FHIT: variants seen among roughly 807,000 people sequenced by gnomAD.
FHIT encodes the protein fragile histidine triad diadenosine triphosphatase, also known as bis(5'-adenosyl)-triphosphatase.
A neutral mutation model predicts 17.9 loss-of-function variants in FHIT; 19 were observed. That is an observed-to-expected ratio of 1.06 (90% CI 0.74 to 1.56). FHIT has a LOEUF of 1.56. Among genes scored for constraint, FHIT ranks in the 40% most tolerant of loss-of-function variants. FHIT has a pLI of 0.00. For missense variants in FHIT, 248 were observed against 189.2 expected (o/e 1.31, Z -1.82); for synonymous variants, 81 against 69.7 (o/e 1.16, Z -0.81).
At chr3:60,452,965 T>A (rs1045648356) in intron 5 of FHIT, among the ~76,000 whole-genome samples, 1 of 152,204 alleles carries the variant, frequency 6.6e-6, no homozygotes, top group South Asian at 2.1e-4. Flanking sequence ...ATTTCTGTAG[T>A]GTACACGAAT....
At chr3:60,751,867 A>G (rs1409641002) in intron 4 of FHIT, among the ~76,000 whole-genome samples, 1 of 152,200 alleles carries the variant, frequency 6.6e-6, no homozygotes, top group African/African-American at 2.4e-5. Context: ...GAAACAATCT[A>G]AATGCCCATC....
intron 3 of FHIT, among the ~76,000 whole-genome samples, chr3:60,928,748 A>T (rs1391301369): frequency 6.6e-6 from 1 of 152,206 alleles, no homozygotes; most frequent in Non-Finnish European, 1.5e-5. Context: ...AAAAAAATCC[A>T]GGACCAGATG....
At chr3:60,273,494 C>A (rs375281042) in intron 5 of FHIT, among the ~76,000 whole-genome samples, 1 of 152,030 alleles carries the variant, frequency 6.6e-6, no homozygotes, top group Non-Finnish European at 1.5e-5. Context: ...CCTGTCCTCC[C>A]AGCTACTCAG....
intron 4 of FHIT, among the ~76,000 whole-genome samples, chr3:60,557,947 A>G (rs1192213135): frequency 6.6e-6 from 1 of 152,124 alleles, no homozygotes; most frequent in African/African-American, 2.4e-5. Flanking sequence ...TTTCATTGCA[A>G]AAATGAGGAA....
At position 61,210,246 on chromosome 3, in the gene FHIT, G is replaced by A. The variant is rs575337809; in HGVS notation, c.-212-9581C>T. Among the ~76,000 whole-genome samples the A allele has an allele frequency of 3.4e-3, 509 of 151,342 alleles. 3 individuals carry two copies. Among genetic ancestry groups the A allele is most frequent in the African/African-American group, 0.012 (485 of 41,372 alleles). ...GGGGTACCTCCCAGTTAGGCTACTCGGGGGTCAGGGACCCACTTGAGGAGG... is the reference window on the plus strand; with the variant it reads ...GGGGTACCTCCCAGTTAGGCTACTCAGGGGTCAGGGACCCACTTGAGGAGG... On this transcript the variant is annotated intron_variant, in intron 1 of 9. Transcript: ENST00000492590.
intron 2 of FHIT, among the ~76,000 whole-genome samples, chr3:61,118,192 G>A (rs780467603): frequency 5.3e-5 from 8 of 152,158 alleles, no homozygotes; most frequent in Non-Finnish European, 8.8e-5. Flanking sequence ...CTGAAGGCCC[G>A]TGATAAGGCT....
chr3:60,239,094 T>C (rs531052447), intron 5 of FHIT, among the ~76,000 whole-genome samples: 1 of 152,284 alleles, frequency 6.6e-6, no homozygotes, highest in Admixed American at 6.5e-5. Flanking sequence ...GAGCAAAAGG[T>C]CAAATTAACT....
chr3:60,082,949 G>A (rs1185343418), intron 5 of FHIT, among the ~76,000 whole-genome samples: 1 of 152,034 alleles, frequency 6.6e-6, no homozygotes, highest in African/African-American at 2.4e-5. Flanking sequence ...AGTTTCTTTT[G>A]CTGTGCTCAA....
intron 8 of FHIT, among the ~76,000 whole-genome samples, chr3:59,780,672 G>T (rs1702543848): frequency 6.6e-6 from 1 of 152,184 alleles, no homozygotes; most frequent in South Asian, 2.1e-4. Flanking sequence ...CCCTTATAAG[G>T]ACATGAAGGA....
At chr3:60,299,603 T>C (rs1231424890) in intron 5 of FHIT, among the ~76,000 whole-genome samples, 7 of 152,076 alleles carry the variant, frequency 4.6e-5, no homozygotes, top group African/African-American at 1.4e-4. Context: ...TAATTGTCTA[T>C]AATGCCTCTT....
chr3:59,997,851 G>A (rs1699577354), intron 7 of FHIT, among the ~76,000 whole-genome samples: 1 of 151,952 alleles, frequency 6.6e-6, no homozygotes, highest in South Asian at 2.1e-4. Flanking sequence ...GAGACAGTGG[G>A]GTGATAAATA....
chr3:60,906,298 G>T (rs1359968791), intron 3 of FHIT, among the ~76,000 whole-genome samples: 2 of 152,172 alleles, frequency 1.3e-5, no homozygotes, highest in Non-Finnish European at 2.9e-5. Context: ...TCTCACTGTG[G>T]AATAAAGGAG....
At chr3:60,631,882 G>C (rs975717422) in intron 4 of FHIT, among the ~76,000 whole-genome samples, 1 of 152,042 alleles carries the variant, frequency 6.6e-6, no homozygotes, top group African/African-American at 2.4e-5. Context: ...CTTCTGAGAT[G>C]AAACATGAAA....
intron 4 of FHIT, among the ~76,000 whole-genome samples, chr3:60,720,191 C>A (rs782616333): frequency 6.6e-6 from 1 of 152,092 alleles, no homozygotes; most frequent in African/African-American, 2.4e-5. Context: ...CTTCCCGATA[C>A]AGAATATTTG....
chr3:61,007,098 A>G (rs1179362269), intron 3 of FHIT, among the ~76,000 whole-genome samples: 1 of 152,244 alleles, frequency 6.6e-6, no homozygotes, highest in East Asian at 1.9e-4. Context: ...ATCCAAACAG[A>G]TAAAAAGTTG....
chr3:60,861,064 G>GTA (rs1275610043), intron 3 of FHIT, among the ~76,000 whole-genome samples: 4 of 95,632 alleles, frequency 4.2e-5, no homozygotes, highest in South Asian at 5.9e-4. Context: ...TATATCATGT[G>GTA]TATATATGAT....
chr3:60,206,466 T>C (rs1302833178), intron 5 of FHIT, among the ~76,000 whole-genome samples: 1 of 151,930 alleles, frequency 6.6e-6, no homozygotes, highest in Admixed American at 6.5e-5. Flanking sequence ...CCACGATTTA[T>C]TGCCAAAAGC....
At chr3:60,716,199 C>T (rs2041678917) in intron 4 of FHIT, among the ~76,000 whole-genome samples, 1 of 151,988 alleles carries the variant, frequency 6.6e-6, no homozygotes, top group African/African-American at 2.4e-5. Flanking sequence ...TAGCTGAGAT[C>T]ACACCGCTAC....
chr3:59,855,270 C>T (rs1702106183), intron 8 of FHIT, among the ~76,000 whole-genome samples: 1 of 152,174 alleles, frequency 6.6e-6, no homozygotes, highest in Admixed American at 6.5e-5. Flanking sequence ...TATAAACCAA[C>T]AGCTTTGACC....
Sources: gnomAD v4.1 joint callset for allele counts (sites outside exome capture counted in the v4.1 genomes callset) on GRCh38, gnomAD v4.1.1 for gene constraint, MANE v1.5 for transcripts, NCBI Gene and HGNC (gene_info 2026-07-23, HGNC 2026-07-21) for gene names.